Variants in BMP2K observed in about 807,000 individuals in gnomAD.
BMP2K encodes BMP-2-inducible protein kinase.
In BMP2K, 74 loss-of-function variants were observed where a neutral mutation model predicts 116.0. That is an observed-to-expected ratio of 0.64 (90% confidence interval 0.53 to 0.77). The LOEUF (loss-of-function observed/expected upper bound fraction) is 0.77. BMP2K is among the 30% of genes least tolerant of loss of function. BMP2K has a pLI of 0.00. For missense variants in BMP2K, 1,365 were observed against 1,403.6 expected, an observed-to-expected ratio of 0.97 and a Z score of 0.44; for synonymous variants, 486 against 502.5, an observed-to-expected ratio of 0.97 and a Z score of 0.44.
At chr4:78,884,303 G>T (rs954474770) in intron 14 of BMP2K, among the ~76,000 whole-genome samples, 2 of 152,008 alleles carry the variant, frequency 1.3e-5, no homozygotes, top group Admixed American at 6.6e-5. Flanking sequence ...CTCTAGGTTG[G>T]GTGAAAGAGT....
chr4:78,790,478 C>T (rs555232932), intron 1 of BMP2K, among the ~76,000 whole-genome samples: 1 of 152,062 alleles, frequency 6.6e-6, no homozygotes, highest in Non-Finnish European at 1.5e-5. Context: ...GAGAAATGTG[C>T]AGAACCTCTG....
At chr4:78,823,961 C>CT (rs1560516031) in intron 1 of BMP2K, among the ~76,000 whole-genome samples, 1 of 152,076 alleles carries the variant, frequency 6.6e-6, no homozygotes, top group Non-Finnish European at 1.5e-5. Flanking sequence ...TTAAGTGGCC[C>CT]TTTCTATTAG....
intron 15 of BMP2K, among the ~76,000 whole-genome samples, chr4:78,900,669 T>C (rs2110094031): frequency 6.6e-6 from 1 of 152,358 alleles, no homozygotes; most frequent in South Asian, 2.1e-4. Context: ...GTTTATGATA[T>C]CATTTCCAGA....
intron 4 of BMP2K, among the ~76,000 whole-genome samples, chr4:78,843,781 G>A (rs1028453580): frequency 2.0e-5 from 3 of 151,162 alleles, no homozygotes; most frequent in South Asian, 2.1e-4. Context: ...ACCATTTTTT[G>A]TGCTATTATA....
rs1577909786 is a variant in BMP2K, at chr4:78,833,562, A to C, written c.298-20A>C. The C allele has an allele frequency of 9.6e-7, 1 of 1,045,820 alleles. No individual in the cohort carries two copies. Among genetic ancestry groups the C allele is most frequent in the African/African-American group, 1.5e-5 (1 of 65,308 alleles). The allele number at this position is 1,045,820 out of a possible 1,614,324, so 64.8% of individuals were successfully genotyped here. A position where few individuals can be genotyped will look rare whatever the true frequency, so the allele number is the denominator to read the frequency against. ...TTTAAATGTACATTTTCCAGTTTTC[A>C]TTTTTTTTTTTCTTTCCAGAAAGAG... On this transcript the variant is annotated intron_variant, in intron 2 of 15. Coordinates refer to ENST00000502613, the MANE Select transcript of BMP2K (RefSeq NM_198892.2).
At chr4:78,873,491 T>A (rs1732472797) in intron 13 of BMP2K, among the ~76,000 whole-genome samples, 1 of 152,198 alleles carries the variant, frequency 6.6e-6, no homozygotes. Flanking sequence ...ACACTGAAGT[T>A]CTCATACAAT....
chr4:78,783,908 G>T (rs1287268672), intron 1 of BMP2K, among the ~76,000 whole-genome samples: 1 of 152,190 alleles, frequency 6.6e-6, no homozygotes, highest in Non-Finnish European at 1.5e-5. Flanking sequence ...AACTATTGTG[G>T]TTAATACTGA....
chr4:78,791,209 T>C (rs949125050), intron 1 of BMP2K, among the ~76,000 whole-genome samples: 5 of 152,128 alleles, frequency 3.3e-5, no homozygotes, highest in Non-Finnish European at 7.4e-5. Context: ...TTCTGAAAAA[T>C]AGATTTTGGT....
chr4:78,826,085 G>C lies in BMP2K; in HGVS notation c.227G>C (p.Cys76Ser). The C allele has an allele frequency of 1.2e-6, 2 of 1,614,192 alleles. No homozygotes were observed. Among genetic ancestry groups the C allele is most frequent in the Non-Finnish European group, 1.7e-6 (2 of 1,180,018 alleles). ...GTGCGTACTCACGGTGGAATCCGATGTGCATTGAAGCGAATGTATGTCAAT... is the reference window on the plus strand; with the variant it reads ...GTGCGTACTCACGGTGGAATCCGATCTGCATTGAAGCGAATGTATGTCAAT... ...FLVRTHGGIR[C>S]ALKRMYVNNM... Residue 76 changes from cysteine (C) to serine (S), a missense_variant, in exon 2 of 16, where the codon TGT becomes TCT. This residue lies in a region of BMP2K where 762 missense variants were observed against 756.7 expected (regional missense o/e 1.01). Transcript: ENST00000502613.
At chr4:78,819,717 A>G (rs1027911911) in intron 1 of BMP2K, among the ~76,000 whole-genome samples, 7 of 152,204 alleles carry the variant, frequency 4.6e-5, no homozygotes, top group African/African-American at 1.7e-4. Flanking sequence ...TTGATATGCT[A>G]GATTCCAAGA....
At chr4:78,826,943 G>A (rs1729901801) in intron 2 of BMP2K, among the ~76,000 whole-genome samples, 2 of 152,130 alleles carry the variant, frequency 1.3e-5, no homozygotes, top group South Asian at 4.1e-4. Context: ...TCCCTGTATA[G>A]GCATACCCTG....
Position 78,913,537 on chromosome 4 carries a change from T to G in BMP2K, c.*1504T>G, listed in dbSNP as rs983253778. 6.6e-6 allele frequency: 1 copy of G among 152,092 alleles called. No homozygotes were observed. Among genetic ancestry groups the G allele is most frequent in the Non-Finnish European group, 1.5e-5 (1 of 67,980 alleles). 9.4% of individuals were successfully genotyped at this position (152,092 alleles called of 1,614,324 possible). A position where few individuals can be genotyped will look rare whatever the true frequency, so the allele number is the denominator to read the frequency against. ...AGTTAATGCTATTTACAGAAAGGAG[T>G]AGAAACTCATCAACTGGCACTCTCT... On this transcript the variant is annotated 3_prime_UTR_variant, in exon 16 of 16. Transcript: ENST00000502613.
At position 78,872,756 on chromosome 4, in the gene BMP2K, C is replaced by T; in HGVS notation, c.1751C>T (p.Ala584Val). ...ALVSYTSSLP[A>V]QVGTIMDSSY... Reference sequence around the variant, plus strand: ...GTTTCCTACACTTCATCACTTCCAGCTCAGGTTGGAACCATAATGGACTCC... The same window carrying T: ...GTTTCCTACACTTCATCACTTCCAGTTCAGGTTGGAACCATAATGGACTCC... Residue 584 changes from alanine to valine, a missense_variant, in exon 13 of 16, where the codon GCT (alanine) becomes GTT (valine). Physicochemically the swap from Ala to Val is moderately conservative, Grantham distance 64. Around this residue, in one of 3 missense-constraint regions of BMP2K, gnomAD observed 762 missense variants for 756.7 expected, o/e 1.01. Coordinates refer to ENST00000502613, the MANE Select transcript of BMP2K (RefSeq NM_198892.2). The T allele has an allele frequency of 6.8e-6, 11 of 1,614,124 alleles. No homozygotes were observed. The highest frequency in any genetic ancestry group is 9.3e-6 in the Non-Finnish European group (11 of 1,179,984).
At chr4:78,825,885 T>G in intron 1 of BMP2K, 152 bp from the exon 2 acceptor site, 1 of 596,230 alleles carries the variant, frequency 1.7e-6, no homozygotes, top group Admixed American at 3.3e-5. Flanking sequence ...AGCCAGTGTT[T>G]TGGCATTTAA....
At chr4:78,864,348 C>G (rs2110049765) in intron 9 of BMP2K, among the ~76,000 whole-genome samples, 1 of 151,724 alleles carries the variant, frequency 6.6e-6, no homozygotes, top group East Asian at 1.9e-4. Context: ...TCAGTAAATA[C>G]TTGATTATCA....
At chr4:78,866,829 T>C (rs1051720977) in intron 10 of BMP2K, among the ~76,000 whole-genome samples, 3 of 152,024 alleles carry the variant, frequency 2.0e-5, no homozygotes, top group Admixed American at 6.6e-5. Context: ...TTTTGTACTT[T>C]TAGTGGAGAT....
chr4:78,889,175 C>T (rs533067901), intron 15 of BMP2K, among the ~76,000 whole-genome samples: 6 of 139,120 alleles, frequency 4.3e-5, no homozygotes, highest in East Asian at 2.2e-4. Flanking sequence ...GAGCCGAGAT[C>T]GTGCCAGTGC....
rs1241878202 is a variant in BMP2K at position 78,911,497 on chromosome 4, C to T, written c.2950C>T (p.Arg984Cys). 3.1e-6 allele frequency: 5 copies of T among 1,613,898 alleles called. No homozygotes were observed. Among genetic ancestry groups the T allele is most frequent in the East Asian group, 2.2e-5 (1 of 44,888 alleles). Residue 984 changes from arginine to cysteine, a missense_variant, in exon 16 of 16, where the codon CGC becomes TGC. By Grantham distance (180) the Arg-to-Cys change is radical (BLOSUM62 -3). This residue lies in a region of BMP2K where 596 missense variants were observed against 623.2 expected (regional missense o/e 0.96). Coordinates refer to ENST00000502613, the MANE Select transcript of BMP2K (RefSeq NM_198892.2). Reference protein sequence around the residue: ...SLQKLSSRQRRTKQDMSKSNG... With the variant: ...SLQKLSSRQRCTKQDMSKSNG... ...ACAGAAACTGTCCTCTCGCCAAAGG[C>T]GCACAAAGCAGGATATGTCCAAAAG...
rs577253069 is a variant in BMP2K at position 78,847,356 on chromosome 4, G to T, written c.750+87G>T. Reference sequence around the variant, plus strand: ...TATTTTTTACTCTGCTCCCCAAAAGGCATTTCCTAATAAGTAGAAGAGAGT... The same window carrying T: ...TATTTTTTACTCTGCTCCCCAAAAGTCATTTCCTAATAAGTAGAAGAGAGT... On this transcript the variant is annotated intron_variant, in intron 6 of 15. Coordinates refer to ENST00000502613, the MANE Select transcript of BMP2K (RefSeq NM_198892.2). 8 of 896,024 alleles carry T rather than the reference G, an allele frequency of 8.9e-6. No homozygotes were observed. The African/African-American group carries it at 1.2e-4, about 14-fold the overall frequency. 55.5% of individuals were successfully genotyped at this position (896,024 alleles called of 1,614,324 possible). A position where few individuals can be genotyped will look rare whatever the true frequency, so the allele number is the denominator to read the frequency against.
Sources: gnomAD v4.1 joint callset for allele counts (sites outside exome capture counted in the v4.1 genomes callset) on GRCh38, gnomAD v4.1.1 for gene constraint, gnomAD v4.1.1 regional missense constraint, MANE v1.5 for transcripts, NCBI Gene and HGNC (gene_info 2026-07-23, HGNC 2026-07-21) for gene names.